Variants in LRP1B observed in about 807,000 individuals in gnomAD.
LRP1B encodes low-density lipoprotein receptor-related protein 1B.
A neutral mutation model predicts 556.6 loss-of-function variants in LRP1B; 217 were observed. The observed-to-expected ratio is 0.39, with a 90% CI of 0.35 to 0.44. The LOEUF is 0.44. LRP1B is among the 20% of genes least tolerant of loss of function. LRP1B has a pLI of 1.00. For missense variants in LRP1B, 5,053 were observed against 5,620.8 expected, an observed-to-expected ratio of 0.90 and a Z score of 3.23; for synonymous variants, 2,047 against 1,865.8, an observed-to-expected ratio of 1.10 and a Z score of -2.50.
intron 41 of LRP1B, among the ~76,000 whole-genome samples, chr2:140,682,272 G>A (rs976566365): frequency 7.9e-5 from 12 of 152,118 alleles, no homozygotes; most frequent in East Asian, 3.9e-4. Flanking sequence ...GTCTATATTC[G>A]TACCACACTG....
intron 66 of LRP1B, among the ~76,000 whole-genome samples, chr2:140,402,375 C>T (rs953991149): frequency 5.9e-5 from 9 of 152,122 alleles, no homozygotes; most frequent in Admixed American, 2.6e-4. Context: ...CTCTTTTCTT[C>T]CCTTGTCCAC....
chr2:141,264,217 C>G (rs1444386346), intron 3 of LRP1B, among the ~76,000 whole-genome samples: 1 of 152,040 alleles, frequency 6.6e-6, no homozygotes, highest in Non-Finnish European at 1.5e-5. Flanking sequence ...TTAAAACCAT[C>G]AAAAACCCAC....
chr2:140,304,758 A>C (rs1683992121), intron 83 of LRP1B, among the ~76,000 whole-genome samples: 1 of 152,092 alleles, frequency 6.6e-6, no homozygotes, highest in Admixed American at 6.6e-5. Flanking sequence ...GGTATTGCCT[A>C]GGTTTTCTTC....
chr2:142,097,825 C>T (rs1706428904), intron 1 of LRP1B, among the ~76,000 whole-genome samples: 1 of 151,540 alleles, frequency 6.6e-6, no homozygotes, highest in African/African-American at 2.4e-5. Flanking sequence ...TTAAATATGG[C>T]ATTCAGAATA....
intron 60 of LRP1B, among the ~76,000 whole-genome samples, chr2:140,467,736 C>T (rs1687608053): frequency 6.6e-6 from 1 of 151,934 alleles, no homozygotes; most frequent in Non-Finnish European, 1.5e-5. Flanking sequence ...TGTTTGCATC[C>T]TAGTGTTTTG....
At chr2:141,357,746 G>C (rs1438562330) in intron 3 of LRP1B, among the ~76,000 whole-genome samples, 1 of 152,104 alleles carries the variant, frequency 6.6e-6, no homozygotes, top group Non-Finnish European at 1.5e-5. Flanking sequence ...GGGATTTATG[G>C]AATATTTGTC....
intron 1 of LRP1B, among the ~76,000 whole-genome samples, chr2:142,084,453 T>C (rs1382219055): frequency 6.9e-6 from 1 of 144,344 alleles, no homozygotes; most frequent in African/African-American, 2.5e-5. Flanking sequence ...TCTCATAAAC[T>C]CTCAAGATTT....
At chr2:140,981,054 A>T (rs1023905281) in intron 18 of LRP1B, among the ~76,000 whole-genome samples, 1 of 151,922 alleles carries the variant, frequency 6.6e-6, no homozygotes, top group Non-Finnish European at 1.5e-5. Flanking sequence ...GAGGACGCAA[A>T]TGCATAAGAA....
intron 1 of LRP1B, among the ~76,000 whole-genome samples, chr2:141,838,721 T>C (rs1370685289): frequency 6.6e-6 from 1 of 152,164 alleles, no homozygotes; most frequent in Non-Finnish European, 1.5e-5. Flanking sequence ...GTAGAGAAAG[T>C]ATATTTCTAG....
At chr2:142,125,273 T>C (rs949562937) in intron 1 of LRP1B, among the ~76,000 whole-genome samples, 2 of 151,842 alleles carry the variant, frequency 1.3e-5, no homozygotes, top group African/African-American at 4.8e-5. Context: ...AGCTTACTTG[T>C]TGTGCTGAAT....
At chr2:141,737,994 T>C (rs1288686565) in intron 2 of LRP1B, among the ~76,000 whole-genome samples, 1 of 152,128 alleles carries the variant, frequency 6.6e-6, no homozygotes, top group East Asian at 1.9e-4. Flanking sequence ...AGAAGAACTG[T>C]TGTAATTGCT....
At chr2:141,848,804 A>G (rs1697745506) in intron 1 of LRP1B, among the ~76,000 whole-genome samples, 1 of 151,522 alleles carries the variant, frequency 6.6e-6, no homozygotes, top group African/African-American at 2.4e-5. Flanking sequence ...AGAGGAAATA[A>G]CGGAACAAAA....
At chr2:140,780,798 T>C (rs949417534) in intron 32 of LRP1B, among the ~76,000 whole-genome samples, 8 of 152,204 alleles carry the variant, frequency 5.3e-5, no homozygotes, top group African/African-American at 1.9e-4. Context: ...ATTGCATTAT[T>C]TTTATTGCTA....
In LRP1B at chr2:141,094,307, C is replaced by T. The variant is rs144158818; in HGVS notation, c.1014-32034G>A. 6.4e-3 allele frequency among the ~76,000 whole-genome samples: 967 copies of T among 152,066 alleles called. 13 individuals are homozygous for T. Among genetic ancestry groups the T allele is most frequent in the African/African-American group, 0.022 (912 of 41,504 alleles). On this transcript the variant is annotated intron_variant, in intron 7 of 90. Coordinates refer to ENST00000389484, the MANE Select transcript of LRP1B (RefSeq NM_018557.3). The stretch of plus-strand genomic sequence containing the variant: ...CTAAATATAAACATAGTATTTTAAC[C>T]TTAAAATTTGAAAACAATTTTCTTA...
At chr2:141,289,977 A>G (rs1387100628) in intron 3 of LRP1B, among the ~76,000 whole-genome samples, 1 of 152,110 alleles carries the variant, frequency 6.6e-6, no homozygotes, top group Non-Finnish European at 1.5e-5. Context: ...TTTTTTTTCT[A>G]TCATTTATGA....
chr2:140,418,567 C>T (rs1363891852), intron 66 of LRP1B, among the ~76,000 whole-genome samples: 1 of 152,020 alleles, frequency 6.6e-6, no homozygotes, highest in Non-Finnish European at 1.5e-5. Context: ...TTTCAGACAT[C>T]CCATATTTGT....
At chr2:141,907,805 T>C (rs554538150) in intron 1 of LRP1B, among the ~76,000 whole-genome samples, 1 of 152,076 alleles carries the variant, frequency 6.6e-6, no homozygotes, top group East Asian at 1.9e-4. Context: ...CATAAGTGAA[T>C]GGGCCTGGCT....
At chr2:140,527,527 AT>A in intron 47 of LRP1B, among the ~76,000 whole-genome samples, 1 of 152,100 alleles carries the variant, frequency 6.6e-6, no homozygotes, top group East Asian at 1.9e-4. Flanking sequence ...TCAAAATTGC[AT>A]ACTTATCTGT....
intron 3 of LRP1B, among the ~76,000 whole-genome samples, chr2:141,440,764 T>A (rs2105002874): frequency 6.6e-6 from 1 of 152,340 alleles, no homozygotes; most frequent in South Asian, 2.1e-4. Context: ...ATTTAAAGAA[T>A]GCACTGGGTC....
Sources: gnomAD v4.1 joint callset for allele counts (sites outside exome capture counted in the v4.1 genomes callset) on GRCh38, gnomAD v4.1.1 for gene constraint, MANE v1.5 for transcripts, NCBI Gene and HGNC (gene_info 2026-07-23, HGNC 2026-07-21) for gene names.